The following ARHGEF10 variants were observed in gnomAD, a reference collection of about 807,000 sequenced individuals.
ARHGEF10 encodes Rho guanine nucleotide exchange factor 10.
ARHGEF10 carries 140 observed loss-of-function variants against 147.4 expected under a neutral mutation model. The observed-to-expected ratio is 0.95, with a 90% confidence interval of 0.83 to 1.09. The LOEUF (loss-of-function observed/expected upper bound fraction) is 1.09, where lower values mean the gene tolerates loss of function less well. Ranked by LOEUF, ARHGEF10 falls within the 50% of genes least tolerant of loss-of-function variation. ARHGEF10 has a pLI of 0.00. For missense variants in ARHGEF10, 2,222 were observed against 1,752.7 expected, an observed-to-expected ratio of 1.27 and a Z score of -4.78; for synonymous variants, 902 against 695.8, an observed-to-expected ratio of 1.30 and a Z score of -4.67.
intron 26 of ARHGEF10, among the ~76,000 whole-genome samples, chr8:1,939,794 C>T (rs949210634): frequency 2.0e-5 from 3 of 152,200 alleles, no homozygotes; most frequent in Non-Finnish European, 4.4e-5. Flanking sequence ...TAGGTCCTGT[C>T]ACTGGCTCAG....
At chr8:1,853,246 C>A (rs1376481345) in intron 2 of ARHGEF10, among the ~76,000 whole-genome samples, 1 of 152,184 alleles carries the variant, frequency 6.6e-6, no homozygotes, top group African/African-American at 2.4e-5. Flanking sequence ...TGCAGCCCTG[C>A]CCAGGCCGCC....
chr8:1,827,030 G>T (rs998745934), intron 1 of ARHGEF10, among the ~76,000 whole-genome samples: 2 of 152,220 alleles, frequency 1.3e-5, no homozygotes, highest in African/African-American at 4.8e-5. Context: ...GAGAGGCAGG[G>T]AGAGCAGAGG....
At chr8:1,878,487 C>T (rs1295292789) in intron 8 of ARHGEF10, among the ~76,000 whole-genome samples, 1 of 152,134 alleles carries the variant, frequency 6.6e-6, no homozygotes, top group Admixed American at 6.6e-5. Flanking sequence ...ACCCGGCCTG[C>T]AATTGTAGTT....
At chr8:1,920,326 T>G (rs1161666271) in intron 18 of ARHGEF10, among the ~76,000 whole-genome samples, 1 of 152,246 alleles carries the variant, frequency 6.6e-6, no homozygotes, top group African/African-American at 2.4e-5. Flanking sequence ...ATTTACTCAT[T>G]TATTTATTAA....
At chr8:1,866,682 C>A in intron 6 of ARHGEF10, 80 bp downstream of exon 6, 2 of 1,267,798 alleles carry the variant, frequency 1.6e-6, no homozygotes, top group Non-Finnish European at 2.3e-6. Flanking sequence ...GTCCCTGAGT[C>A]TCAGGTCCCA....
chr8:1,926,578 C>T (rs746795237), intron 23 of ARHGEF10, 115 bp downstream of exon 23: 2 of 919,184 alleles, frequency 2.2e-6, no homozygotes, highest in Admixed American at 3.8e-5. Context: ...GTGGCGTATC[C>T]CAGAGTGTAC....
In ARHGEF10 at chr8:1,869,246, A is replaced by G. The variant is rs548081457; in HGVS notation, c.675A>G (p.Glu225=). The change falls in exon 7 of 29, where the codon GAA becomes GAG. Residue 225 remains glutamate (E), a synonymous_variant. Transcript: ENST00000349830. ...DDVPRENSDS[E]PDEMIYDDVE... The stretch of plus-strand genomic sequence containing the variant: ...TTCCAAGGGAAAACTCAGACTCTGA[A>G]CCAGGTTTGATTTTGTCTGGAATTG... The G allele has an allele frequency of 5.0e-6, 8 of 1,613,806 alleles. No homozygotes were observed. In the South Asian group the frequency reaches 5.5e-5, roughly 11 times the overall value.
intron 22 of ARHGEF10, among the ~76,000 whole-genome samples, chr8:1,926,037 G>A (rs1003746278): frequency 2.3e-4 from 35 of 152,218 alleles, no homozygotes; most frequent in African/African-American, 7.5e-4. Flanking sequence ...GTGGGACAGG[G>A]AAGGGGAGAG....
intron 10 of ARHGEF10, 34 bp downstream of exon 10, chr8:1,882,783 A>C: frequency 7.7e-7 from 1 of 1,294,930 alleles, no homozygotes; most frequent in Non-Finnish European, 1.0e-6. Context: ...CGGGGAGGAC[A>C]CGGGGTTGGG....
intron 14 of ARHGEF10, 92 bp from the exon 15 acceptor site, chr8:1,898,341 G>T (rs1034203495): frequency 1.1e-5 from 12 of 1,113,620 alleles, no homozygotes; most frequent in Admixed American, 1.8e-5. Flanking sequence ...TGACTTTCCC[G>T]AGTGTTCAGT....
chr8:1,958,506 A>G lies in ARHGEF10; in HGVS notation c.*1243A>G, dbSNP rs1259245525. On this transcript the variant is annotated 3_prime_UTR_variant, in exon 29 of 29. Transcript: ENST00000349830. ...CTCAGCACTTTACAGATGACTAAAA[A>G]TGTTAATTTTATGACTTAGCCAAAT... The G allele has an allele frequency of 6.6e-6, 1 of 152,228 alleles. No homozygotes were observed. The highest frequency in any genetic ancestry group is 1.5e-5 in the Non-Finnish European group (1 of 68,052). The allele number at this position is 152,228 out of a possible 1,614,324, so 9.4% of individuals were successfully genotyped here.
chr8:1,826,254 T>A, intron 1 of ARHGEF10: 1 of 939,388 alleles, frequency 1.1e-6, no homozygotes, highest in Non-Finnish European at 1.6e-6. Context: ...AGTTGATGCT[T>A]GACTTCCAGA....
At chr8:1,872,562 A>G (rs774853728) in intron 7 of ARHGEF10, among the ~76,000 whole-genome samples, 1 of 152,242 alleles carries the variant, frequency 6.6e-6, no homozygotes, top group Non-Finnish European at 1.5e-5. Flanking sequence ...CAGCAGTTCA[A>G]GGATCCTTTG....
chr8:1,855,085 AATTC>A (rs145967417), intron 2 of ARHGEF10, among the ~76,000 whole-genome samples: 2,942 of 152,016 alleles, frequency 0.019, 91 homozygotes, highest in East Asian at 0.096. Context: ...CTTTAAAGAG[AATTC>A]CTTCTTCCTG....
intron 27 of ARHGEF10, among the ~76,000 whole-genome samples, chr8:1,951,259 G>A (rs549458913): frequency 4.6e-4 from 70 of 152,376 alleles, no homozygotes; most frequent in African/African-American, 1.7e-3. Context: ...CTTCGGAGCA[G>A]CTGGGAATCG....
upstream of ARHGEF10, chr8:1,823,873 G>C (rs1034777714): frequency 6.6e-6 from 1 of 151,822 alleles, no homozygotes; most frequent in Admixed American, 6.6e-5. Flanking sequence ...CGCCCGGAAC[G>C]GTCTGGGCCC....
At chr8:1,890,509 G>GAGGTGATAGTTTTGAGGAGAC (rs1809426996) in intron 11 of ARHGEF10, among the ~76,000 whole-genome samples, 2 of 149,456 alleles carry the variant, frequency 1.3e-5, no homozygotes, top group East Asian at 4.0e-4. Flanking sequence ...AGGAGATTCT[G>GAGGTGATAGTTTTGAGGAGAC]AGTGGGGCGA....
intron 5 of ARHGEF10, among the ~76,000 whole-genome samples, chr8:1,865,692 G>A (rs193177995): frequency 7.3e-5 from 11 of 150,424 alleles, no homozygotes; most frequent in African/African-American, 2.2e-4. Flanking sequence ...AGTCGTCATC[G>A]TGGGGTGCTC....
At chr8:1,922,211 G>A (rs796312770) in intron 18 of ARHGEF10, among the ~76,000 whole-genome samples, 30 of 151,530 alleles carry the variant, frequency 2.0e-4, no homozygotes, top group African/African-American at 7.0e-4. Context: ...AATAGACCCC[G>A]GGACACGCGT....
Sources: gnomAD v4.1 joint callset for allele counts (sites outside exome capture counted in the v4.1 genomes callset) on GRCh38, gnomAD v4.1.1 for gene constraint, MANE v1.5 for transcripts, NCBI Gene and HGNC (gene_info 2026-07-23, HGNC 2026-07-21) for gene names.